Variants in CDKAL1 observed in about 807,000 individuals in gnomAD.
CDKAL1 encodes the protein CDKAL1 threonylcarbamoyladenosine tRNA methylthiotransferase.
A neutral mutation model predicts 68.2 loss-of-function variants in CDKAL1; 32 were observed. The observed-to-expected ratio is 0.47, with a 90% confidence interval of 0.35 to 0.63. The LOEUF is 0.63. CDKAL1 is among the 30% of genes least tolerant of loss of function. The pLI is 0.00. For synonymous variants in CDKAL1, 234 were observed against 244.3 expected (o/e 0.96, Z 0.39); for missense variants, 606 against 696.7 (o/e 0.87, Z 1.47).
intron 13 of CDKAL1, among the ~76,000 whole-genome samples, chr6:21,158,626 C>A (rs1776755092): frequency 6.6e-6 from 1 of 152,302 alleles, no homozygotes; most frequent in East Asian, 1.9e-4. Context: ...TGTTAATTTC[C>A]TATGTTTCCA....
chr6:20,739,468 A>T, intron 5 of CDKAL1, 51 bp from the exon 6 acceptor site: 1 of 1,144,288 alleles, frequency 8.7e-7, no homozygotes, highest in Non-Finnish European at 1.3e-6. Flanking sequence ...AGTTTCCAAG[A>T]GTATACCCAT....
At chr6:20,558,135 G>C (rs1015634307) in intron 4 of CDKAL1, among the ~76,000 whole-genome samples, 2 of 152,150 alleles carry the variant, frequency 1.3e-5, no homozygotes, top group Admixed American at 6.5e-5. Context: ...AGCTGCCTTT[G>C]TGTGAGGATC....
chr6:20,844,664 A>C (rs1045555812), intron 8 of CDKAL1, among the ~76,000 whole-genome samples: 3 of 150,434 alleles, frequency 2.0e-5, no homozygotes, highest in Non-Finnish European at 4.4e-5. Context: ...AACCTGGGCA[A>C]CATAGCGAGA....
chr6:21,080,518 A>G (rs1025402188), intron 12 of CDKAL1, among the ~76,000 whole-genome samples: 2 of 152,114 alleles, frequency 1.3e-5, no homozygotes, highest in Non-Finnish European at 2.9e-5. Context: ...GCCACAGGTA[A>G]TATCTTTTTT....
At chr6:21,054,883 A>G (rs933684624) in intron 11 of CDKAL1, among the ~76,000 whole-genome samples, 5 of 151,270 alleles carry the variant, frequency 3.3e-5, no homozygotes, top group East Asian at 3.9e-4. Flanking sequence ...TCTACATACA[A>G]GGTCATGTCA....
intron 4 of CDKAL1, among the ~76,000 whole-genome samples, chr6:20,636,185 G>C (rs781181950): frequency 9.2e-5 from 14 of 152,118 alleles, no homozygotes; most frequent in Non-Finnish European, 5.9e-5. Flanking sequence ...AGACCTTCCT[G>C]CTTCTGCTAT....
intron 15 of CDKAL1, among the ~76,000 whole-genome samples, chr6:21,207,739 A>G (rs1778995170): frequency 1.3e-5 from 2 of 152,220 alleles, no homozygotes; most frequent in Admixed American, 1.3e-4. Context: ...GAAATGGCTT[A>G]GCAGTCAATA....
In CDKAL1 at chr6:20,811,926, C is replaced by T. The variant is rs148805470; in HGVS notation, c.638+30661C>T. Among the ~76,000 whole-genome samples the T allele has an allele frequency of 3.7e-4, 57 of 152,218 alleles. No individual in the cohort carries two copies. The East Asian group carries it at 0.01, about 27-fold the overall frequency. On this transcript the variant is annotated intron_variant, in intron 8 of 15. Transcript: ENST00000274695. ...AACAATTTTGTTTCTTTTTACATCC[C>T]TTTACAAATATAAAAGCCATCCTTA...
At chr6:20,665,811 A>G (rs1282706170) in intron 5 of CDKAL1, among the ~76,000 whole-genome samples, 2 of 152,084 alleles carry the variant, frequency 1.3e-5, no homozygotes, top group African/African-American at 4.8e-5. Context: ...GATATTATAA[A>G]TATATTTTTT....
At chr6:20,781,307 T>G in intron 8 of CDKAL1, 42 bp downstream of exon 8, 1 of 1,528,142 alleles carries the variant, frequency 6.5e-7, no homozygotes, top group South Asian at 1.3e-5. Flanking sequence ...TTCAATATAT[T>G]TCATGAATTC....
At chr6:21,206,934 T>A (rs900067447) in intron 15 of CDKAL1, among the ~76,000 whole-genome samples, 1 of 152,042 alleles carries the variant, frequency 6.6e-6, no homozygotes, top group Admixed American at 6.6e-5. Flanking sequence ...AATTTCTTTT[T>A]TTTTTCTTTT....
chr6:20,998,653 C>A (rs1471551925), intron 10 of CDKAL1, among the ~76,000 whole-genome samples: 3 of 150,946 alleles, frequency 2.0e-5, no homozygotes, highest in Non-Finnish European at 4.4e-5. Context: ...CTACTGAATA[C>A]CCAGCCCAGA....
chr6:21,162,562 C>T (rs1180819885), intron 13 of CDKAL1, among the ~76,000 whole-genome samples: 1 of 152,154 alleles, frequency 6.6e-6, no homozygotes, highest in East Asian at 1.9e-4. Context: ...ACAAAAGCCA[C>T]CTGACTCAAT....
At chr6:20,557,093 T>TGAA (rs1485794583) in intron 4 of CDKAL1, among the ~76,000 whole-genome samples, 11 of 130,574 alleles carry the variant, frequency 8.4e-5, no homozygotes, top group Admixed American at 1.6e-4. Flanking sequence ...AAATGAAAAA[T>TGAA]AAATAAATAC....
intron 4 of CDKAL1, among the ~76,000 whole-genome samples, chr6:20,576,990 AT>A (rs1182457252): frequency 1.3e-5 from 2 of 152,088 alleles, no homozygotes; most frequent in Non-Finnish European, 2.9e-5. Flanking sequence ...GTATTTAACA[AT>A]TTTTTTGTAG....
intron 5 of CDKAL1, among the ~76,000 whole-genome samples, chr6:20,739,108 T>A (rs1007870121): frequency 6.6e-6 from 1 of 152,174 alleles, no homozygotes. Flanking sequence ...TTTACTTTTA[T>A]ATTGGTCAAA....
chr6:21,215,792 A>T (rs1451274199), intron 15 of CDKAL1, among the ~76,000 whole-genome samples: 1 of 152,142 alleles, frequency 6.6e-6, no homozygotes, highest in Non-Finnish European at 1.5e-5. Flanking sequence ...TAGGCAGAAT[A>T]ATGCCCCCCA....
At chr6:21,208,449 A>T (rs1432151879) in intron 15 of CDKAL1, among the ~76,000 whole-genome samples, 3 of 152,216 alleles carry the variant, frequency 2.0e-5, no homozygotes, top group Non-Finnish European at 4.4e-5. Flanking sequence ...AACTACATTC[A>T]TGAGGTTAAG....
intron 10 of CDKAL1, among the ~76,000 whole-genome samples, chr6:20,967,984 T>A (rs1230159861): frequency 6.6e-6 from 1 of 152,198 alleles, no homozygotes. Flanking sequence ...TTACTGAGGA[T>A]CCCTTATCTA....
Sources: gnomAD v4.1 joint callset for allele counts (sites outside exome capture counted in the v4.1 genomes callset) on GRCh38, gnomAD v4.1.1 for gene constraint, MANE v1.5 for transcripts, NCBI Gene and HGNC (gene_info 2026-07-23, HGNC 2026-07-21) for gene names.